Variants in NAALADL2 observed in about 807,000 individuals in gnomAD.
The protein encoded by NAALADL2 is inactive N-acetylated-alpha-linked acidic dipeptidase-like protein 2.
Under a neutral mutation model 87.2 loss-of-function variants are expected in NAALADL2, and 76 were observed. The ratio of observed to expected loss-of-function variants is 0.87; its 90% CI spans 0.72 to 1.05. NAALADL2 has a LOEUF of 1.05. NAALADL2 is among the 50% of genes least tolerant of loss of function. The pLI is 0.00. For synonymous variants in NAALADL2, 354 were observed against 331.0 expected (o/e 1.07, Z -0.75); for missense variants, 1,089 against 945.8 (o/e 1.15, Z -1.99).
chr3:175,588,529 C>CTTTT (rs1430802993), intron 10 of NAALADL2, among the ~76,000 whole-genome samples: 2 of 94,494 alleles, frequency 2.1e-5, no homozygotes, highest in African/African-American at 8.0e-5. Context: ...TTCTTTCTTT[C>CTTTT]TTTTCTTTTT....
At chr3:174,693,954 TA>T (rs1728807882) in intron 2 of NAALADL2, among the ~76,000 whole-genome samples, 1 of 152,150 alleles carries the variant, frequency 6.6e-6, no homozygotes, top group South Asian at 2.1e-4. Flanking sequence ...TTGCCAGAAT[TA>T]ACATTGGAAC....
At position 174,883,296 on chromosome 3, in the gene NAALADL2, A is replaced by C. The variant is rs1283159365; in HGVS notation, c.43+23846A>C. ...ATGCTTTGTATCGTTCAGTCCACTC[A>C]AGTTGGCACTCAGTATTAACCATCA... On this transcript the variant is annotated intron_variant, in intron 1 of 13. Coordinates refer to ENST00000454872, the MANE Select transcript of NAALADL2 (RefSeq NM_207015.3). Among the ~76,000 whole-genome samples the C allele has an allele frequency of 2.0e-5, 3 of 152,078 alleles. No individual in the cohort carries two copies. In the East Asian group the frequency reaches 5.8e-4, roughly 29 times the overall value.
At chr3:174,588,878 A>G (rs1482379130) in intron 2 of NAALADL2, among the ~76,000 whole-genome samples, 3 of 152,106 alleles carry the variant, frequency 2.0e-5, no homozygotes, top group East Asian at 1.9e-4. Context: ...ACTCCATGCT[A>G]TGAGGACCAC....
intron 11 of NAALADL2, among the ~76,000 whole-genome samples, chr3:175,716,244 CATATATAATATAT>C (rs986686653): frequency 3.5e-5 from 5 of 142,402 alleles, no homozygotes; most frequent in Admixed American, 1.4e-4. Context: ...TATTGGAATA[CATATATAATATAT>C]GTATATAATA....
chr3:174,448,683 A>G (rs909105693), intron 1 of NAALADL2, among the ~76,000 whole-genome samples: 1 of 152,184 alleles, frequency 6.6e-6, no homozygotes, highest in Non-Finnish European at 1.5e-5. Flanking sequence ...ATCAGTATCA[A>G]ATATCTTCCC....
At chr3:175,746,286 A>G (rs1745920273) in intron 12 of NAALADL2, among the ~76,000 whole-genome samples, 1 of 145,016 alleles carries the variant, frequency 6.9e-6, no homozygotes, top group African/African-American at 2.6e-5. Context: ...TTAGATTTGT[A>G]GTTTCAATTT....
At chr3:175,324,126 C>A (rs370701449) in intron 4 of NAALADL2, 49 bp from the exon 5 acceptor site, 2 of 1,528,642 alleles carry the variant, frequency 1.3e-6, no homozygotes, top group Non-Finnish European at 1.8e-6. Context: ...ACTATATGAA[C>A]TTTTAATGTG....
At chr3:174,783,437 A>G (rs1578909773) in intron 3 of NAALADL2, among the ~76,000 whole-genome samples, 3 of 152,280 alleles carry the variant, frequency 2.0e-5, no homozygotes, top group Admixed American at 1.3e-4. Flanking sequence ...CACTTTGCAC[A>G]GAATATTTAT....
intron 1 of NAALADL2, among the ~76,000 whole-genome samples, chr3:175,075,728 G>C (rs1034641358): frequency 2.0e-5 from 3 of 152,098 alleles, no homozygotes; most frequent in Non-Finnish European, 4.4e-5. Context: ...AAGTTGTCTA[G>C]TCAGGCCCAG....
chr3:175,577,378 G>A (rs1028512941), intron 10 of NAALADL2, among the ~76,000 whole-genome samples: 1 of 152,134 alleles, frequency 6.6e-6, no homozygotes, highest in African/African-American at 2.4e-5. Context: ...TATTAATGGG[G>A]TAATTTCTAA....
intron 1 of NAALADL2, among the ~76,000 whole-genome samples, chr3:175,081,999 A>G (rs1717939603): frequency 6.6e-6 from 1 of 152,102 alleles, no homozygotes; most frequent in Non-Finnish European, 1.5e-5. Flanking sequence ...ACAGTGCCCT[A>G]TAACCACTGT....
intron 2 of NAALADL2, among the ~76,000 whole-genome samples, chr3:175,118,522 G>A (rs903935855): frequency 2.0e-5 from 3 of 151,660 alleles, no homozygotes; most frequent in African/African-American, 4.8e-5. Context: ...GGCAGGAGGC[G>A]GTAAACAAAC....
chr3:174,790,093 T>C (rs1404511333), intron 3 of NAALADL2, among the ~76,000 whole-genome samples: 1 of 152,164 alleles, frequency 6.6e-6, no homozygotes, highest in Non-Finnish European at 1.5e-5. Context: ...TCTAAGACAA[T>C]TTTATGCATT....
At chr3:174,827,994 G>A (rs1290586310) in intron 3 of NAALADL2, among the ~76,000 whole-genome samples, 1 of 152,038 alleles carries the variant, frequency 6.6e-6, no homozygotes, top group African/African-American at 2.4e-5. Context: ...AGAAGGCTGG[G>A]TATCATAGCG....
intron 5 of NAALADL2, among the ~76,000 whole-genome samples, chr3:175,352,990 C>G (rs147281338): frequency 6.6e-6 from 1 of 152,004 alleles, no homozygotes; most frequent in African/African-American, 2.4e-5. Flanking sequence ...TTGAAATCAA[C>G]GAACCCTGAA....
intron 2 of NAALADL2, among the ~76,000 whole-genome samples, chr3:175,231,338 G>A (rs546439734): frequency 9.9e-5 from 15 of 151,798 alleles, no homozygotes; most frequent in African/African-American, 3.6e-4. Context: ...TTTATACATC[G>A]TATACGTTGT....
intron 1 of NAALADL2, among the ~76,000 whole-genome samples, chr3:175,046,202 T>C (rs1228554112): frequency 6.6e-6 from 1 of 152,116 alleles, no homozygotes; most frequent in Non-Finnish European, 1.5e-5. Context: ...TCATAAACTT[T>C]TCTGTGCATG....
At chr3:174,712,492 A>G (rs1026754720) in intron 2 of NAALADL2, among the ~76,000 whole-genome samples, 6 of 138,350 alleles carry the variant, frequency 4.3e-5, no homozygotes, top group Non-Finnish European at 9.1e-5. Flanking sequence ...GGTTCATGCC[A>G]TTCTCCTGCC....
intron 2 of NAALADL2, among the ~76,000 whole-genome samples, chr3:175,190,061 T>C (rs1737916789): frequency 6.6e-6 from 1 of 151,956 alleles, no homozygotes; most frequent in African/African-American, 2.4e-5. Context: ...CAACTTAAAA[T>C]GGATAAAAGA....
Sources: allele counts gnomAD v4.1 joint callset (sites outside exome capture counted in the v4.1 genomes callset), GRCh38; gene constraint gnomAD v4.1.1; transcripts MANE v1.5; gene names NCBI Gene and HGNC (gene_info 2026-07-23, HGNC 2026-07-21).